CDK5RAP1: variants seen among roughly 807,000 people sequenced by gnomAD.
CDK5RAP1 encodes mitochondrial tRNA methylthiotransferase CDK5RAP1.
CDK5RAP1 carries 62 observed loss-of-function variants against 64.5 expected under a neutral mutation model. That is an observed-to-expected ratio of 0.96 (90% CI 0.78 to 1.19). The LOEUF is 1.19. Ranked by LOEUF, CDK5RAP1 falls within the 50% of genes most tolerant of loss-of-function variation. The probability of loss-of-function intolerance (pLI) is 0.00; values close to 1 mark genes in which losing one functional copy is unlikely to be tolerated. For synonymous variants in CDK5RAP1, 250 were observed against 261.9 expected (o/e 0.95, Z 0.44); for missense variants, 657 against 735.0 (o/e 0.89, Z 1.23).
intron 11 of CDK5RAP1, among the ~76,000 whole-genome samples, chr20:33,367,884 T>G (rs562881990): frequency 2.6e-5 from 4 of 152,210 alleles, no homozygotes; most frequent in Non-Finnish European, 4.4e-5. Flanking sequence ...AGTTTGGACA[T>G]TCAAACCAAT....
At chr20:33,369,130 C>G (rs1365416111) in intron 11 of CDK5RAP1, among the ~76,000 whole-genome samples, 1 of 150,984 alleles carries the variant, frequency 6.6e-6, no homozygotes, top group Non-Finnish European at 1.5e-5. Context: ...CAGAGCGAGA[C>G]TCTGTCTCAA....
rs1988976565 is a variant in CDK5RAP1, at chr20:33,397,078, CCA to C, written c.-16_-15del. 6.3e-7 allele frequency: 1 copy of C among 1,580,164 alleles called. No homozygotes were observed. Among genetic ancestry groups the C allele is most frequent in the Non-Finnish European group, 8.6e-7 (1 of 1,164,252 alleles). On this transcript the variant is annotated 5_prime_UTR_variant, in exon 2 of 14. Transcript: ENST00000346416. ...TAAAGGGTGCATGGCACTAAACAGC[CCA>C]CAGTCTGCAAAAGAATGACAGACAT...
chr20:33,362,819 T>G (rs982181966), intron 12 of CDK5RAP1, among the ~76,000 whole-genome samples: 1 of 152,156 alleles, frequency 6.6e-6, no homozygotes, highest in African/African-American at 2.4e-5. Flanking sequence ...TAATCTGCCA[T>G]TAGAAAATCA....
At chr20:33,383,644 G>A (rs1343525230) in intron 7 of CDK5RAP1, 1 of 152,070 alleles carries the variant, frequency 6.6e-6, no homozygotes, top group Non-Finnish European at 1.5e-5. Flanking sequence ...GGGAGGCTGA[G>A]GCAGGAGAAT....
intron 7 of CDK5RAP1, chr20:33,383,425 G>A (rs995316841): frequency 2.6e-5 from 4 of 151,364 alleles, no homozygotes; most frequent in Admixed American, 2.0e-4. Flanking sequence ...CTAACATGGT[G>A]AAACCCCGTC....
intron 12 of CDK5RAP1, among the ~76,000 whole-genome samples, chr20:33,361,572 G>A (rs555622108): frequency 3.2e-4 from 49 of 152,296 alleles, no homozygotes; most frequent in African/African-American, 1.2e-3. Context: ...GGTGGAAATT[G>A]TGCTCATCGG....
At chr20:33,368,459 ATTTTTTTTTTTTTTTTT>A (rs35954744) in intron 11 of CDK5RAP1, among the ~76,000 whole-genome samples, 2 of 67,566 alleles carry the variant, frequency 3.0e-5, no homozygotes, top group Non-Finnish European at 5.3e-5. Context: ...CTCTCGGCTA[ATTTTTTTTTTTTTTTTT>A]TTTTTTTTTT....
intron 8 of CDK5RAP1, among the ~76,000 whole-genome samples, chr20:33,378,569 A>C (rs761458352): frequency 2.6e-5 from 4 of 152,198 alleles, no homozygotes; most frequent in African/African-American, 7.2e-5. Flanking sequence ...TGTTAAAAAT[A>C]ACTCCATAAT....
Position 33,369,488 on chromosome 20 carries a change from C to CA in CDK5RAP1, c.1392+1010dup, listed in dbSNP as rs11475585. Among the ~76,000 whole-genome samples the CA allele has an allele frequency of 1.7e-3, 244 of 146,848 alleles. 1 individual carries two copies. The highest frequency in any genetic ancestry group is 5.3e-3 in the African/African-American group (212 of 39,808). On this transcript the variant is annotated intron_variant, in intron 11 of 13. Transcript: ENST00000346416. ...ACAGAGCGAGACTGAGACTCCGCCT[C>CA]AAAAAAAAAAAGAAGCAAAACAGAA... is the stretch of plus-strand genomic sequence containing the variant.
intron 5 of CDK5RAP1, among the ~76,000 whole-genome samples, chr20:33,387,813 T>TCC (rs369024375): frequency 6.6e-6 from 1 of 151,998 alleles, no homozygotes; most frequent in Non-Finnish European, 1.5e-5. Context: ...ATGGCTGTAA[T>TCC]CCCCACACTT....
intron 7 of CDK5RAP1, among the ~76,000 whole-genome samples, chr20:33,384,295 T>C (rs766624595): frequency 2.6e-5 from 4 of 152,220 alleles, no homozygotes; most frequent in Non-Finnish European, 5.9e-5. Flanking sequence ...AGATTCACTT[T>C]AATGTTATTA....
At chr20:33,385,872 T>A in intron 6 of CDK5RAP1, 102 bp from the exon 7 acceptor site, 1 of 1,099,368 alleles carries the variant, frequency 9.1e-7, no homozygotes, top group Non-Finnish European at 1.3e-6. Context: ...TGGCTCTGAA[T>A]CCTCTTGCCA....
At chr20:33,394,166 T>TCC in intron 3 of CDK5RAP1, 100 bp from the exon 4 acceptor site, 1 of 601,736 alleles carries the variant, frequency 1.7e-6, no homozygotes, top group Non-Finnish European at 2.7e-6. Context: ...TTTTTTTCCT[T>TCC]TTTTTTTTTT....
intron 1 of CDK5RAP1, among the ~76,000 whole-genome samples, chr20:33,398,977 A>C (rs926595183): frequency 6.6e-6 from 1 of 152,138 alleles, no homozygotes; most frequent in Non-Finnish European, 1.5e-5. Flanking sequence ...TGACAAAGGC[A>C]AGGAAGCAAT....
intron 6 of CDK5RAP1, among the ~76,000 whole-genome samples, chr20:33,386,330 G>A (rs1274525380): frequency 6.6e-6 from 1 of 152,156 alleles, no homozygotes; most frequent in East Asian, 1.9e-4. Flanking sequence ...CCAAAGTGCT[G>A]GGATTACAGG....
intron 1 of CDK5RAP1, among the ~76,000 whole-genome samples, chr20:33,399,532 G>A (rs1989204831): frequency 6.6e-6 from 1 of 152,212 alleles, no homozygotes; most frequent in South Asian, 2.1e-4. Flanking sequence ...GTTCCTGCAA[G>A]CAGGGAACAA....
chr20:33,381,218 AT>A (rs11481884), intron 7 of CDK5RAP1, among the ~76,000 whole-genome samples: 4 of 151,626 alleles, frequency 2.6e-5, no homozygotes, highest in South Asian at 2.1e-4. Context: ...ATATGACTAC[AT>A]TTTTTTTAAG....
chr20:33,362,933 G>C (rs1983203461), intron 12 of CDK5RAP1, among the ~76,000 whole-genome samples: 1 of 152,172 alleles, frequency 6.6e-6, no homozygotes, highest in South Asian at 2.1e-4. Flanking sequence ...CTGAGATTTA[G>C]AGGCTCTACT....
chr20:33,388,965 C>T (rs937503531), intron 5 of CDK5RAP1, among the ~76,000 whole-genome samples: 8 of 151,972 alleles, frequency 5.3e-5, no homozygotes, highest in African/African-American at 7.3e-5. Context: ...GCGTGACCTC[C>T]GCTCGCTACA....
Sources: allele counts gnomAD v4.1 joint callset (sites outside exome capture counted in the v4.1 genomes callset), GRCh38; gene constraint gnomAD v4.1.1; transcripts MANE v1.5; gene names NCBI Gene and HGNC (gene_info 2026-07-23, HGNC 2026-07-21).